NDNF: variants seen among roughly 807,000 people sequenced by gnomAD.
NDNF encodes the protein protein NDNF.
A neutral mutation model predicts 42.0 loss-of-function variants in NDNF; 16 were observed. The ratio of observed to expected loss-of-function variants is 0.38; its 90% CI spans 0.26 to 0.58. The LOEUF (loss-of-function observed/expected upper bound fraction) is 0.58, where lower values mean the gene tolerates loss of function less well. NDNF is among the 20% of genes least tolerant of loss of function. The pLI, the probability that NDNF is intolerant of heterozygous loss-of-function variation, is 0.67. For synonymous variants in NDNF, 248 were observed against 251.7 expected, an observed-to-expected ratio of 0.99 and a Z score of 0.14; for missense variants, 616 against 666.2, an observed-to-expected ratio of 0.92 and a Z score of 0.83.
chr4:121,055,366 G>A lies in NDNF; in HGVS notation c.-1-9528C>T, dbSNP rs75809942. Among the ~76,000 whole-genome samples, 812 of 152,212 alleles carry A rather than the reference G, an allele frequency of 5.3e-3. 2 individuals are homozygous for A. The highest frequency in any genetic ancestry group is 0.012 in the South Asian group (60 of 4,820). ...AAAACTGGGGATATGCTTTGCAGTTGGATTGCCAGAATGTGCTGGTAAGTT... is the reference window on the plus strand; with the variant it reads ...AAAACTGGGGATATGCTTTGCAGTTAGATTGCCAGAATGTGCTGGTAAGTT... On this transcript the variant is annotated intron_variant, in intron 1 of 3. Coordinates refer to ENST00000379692, the MANE Select transcript of NDNF (RefSeq NM_024574.4).
chr4:121,035,913 C>A lies in NDNF; in HGVS notation c.*351G>T, dbSNP rs780528843. On this transcript the variant is annotated 3_prime_UTR_variant, in exon 4 of 4. Transcript: ENST00000379692. ...AGCATCTACAGAGAGGAATGATTTGCATTTGTGGGTGTGTGCAATGAATGG... is the reference window on the plus strand; with the variant it reads ...AGCATCTACAGAGAGGAATGATTTGAATTTGTGGGTGTGTGCAATGAATGG... The A allele has an allele frequency of 6.3e-5, 11 of 175,688 alleles. No individual in the cohort carries two copies. Among genetic ancestry groups the A allele is most frequent in the Non-Finnish European group, 1.3e-4 (11 of 83,112 alleles). The allele number at this position is 175,688 out of a possible 1,614,324, so 10.9% of individuals were successfully genotyped here.
chr4:121,050,749 C>G (rs1464625355), intron 1 of NDNF, among the ~76,000 whole-genome samples: 5 of 152,052 alleles, frequency 3.3e-5, no homozygotes, highest in African/African-American at 1.2e-4. Flanking sequence ...TTGTCAAAGG[C>G]CTTCTTCACA....
intron 3 of NDNF, among the ~76,000 whole-genome samples, chr4:121,038,391 T>TAAAATAAAATAAAATAAAATAAAAC (rs1560602803): frequency 1.3e-5 from 2 of 149,386 alleles, no homozygotes; most frequent in African/African-American, 4.9e-5. Context: ...TAAAATAAAA[T>TAAAATAAAATAAAATAAAATAAAAC]AAAACAAAAC....
rs145325012 is a variant in NDNF at position 121,066,691 on chromosome 4, A to AT, written c.-2+5301dup. Among the ~76,000 whole-genome samples the AT allele has an allele frequency of 6.0e-3, 907 of 152,322 alleles. 9 individuals carry two copies. Among genetic ancestry groups the AT allele is most frequent in the African/African-American group, 0.021 (865 of 41,574 alleles). ...TTTAGAGGTCTAATTATGAGTTCAG[A>AT]TTTTACTGCTTATTTTAGAAAATGT... On this transcript the variant is annotated intron_variant, in intron 1 of 3. Transcript: ENST00000379692.
At chr4:121,043,850 G>C (rs1727045224) in intron 2 of NDNF, among the ~76,000 whole-genome samples, 1 of 152,138 alleles carries the variant, frequency 6.6e-6, no homozygotes, top group Non-Finnish European at 1.5e-5. Context: ...AAAATAATAT[G>C]AAAAGCCAAA....
At chr4:121,048,666 C>T (rs1371737004) in intron 1 of NDNF, among the ~76,000 whole-genome samples, 7 of 152,092 alleles carry the variant, frequency 4.6e-5, no homozygotes, top group Admixed American at 1.3e-4. Flanking sequence ...GGCAAAACCC[C>T]GTCTCTACTA....
intron 1 of NDNF, among the ~76,000 whole-genome samples, chr4:121,049,930 G>A (rs545539890): frequency 6.6e-6 from 1 of 152,182 alleles, no homozygotes; most frequent in South Asian, 2.1e-4. Context: ...GTCAGATTCT[G>A]GTTCTACAAA....
At chr4:121,046,535 T>C (rs919801615) in intron 1 of NDNF, among the ~76,000 whole-genome samples, 1 of 152,240 alleles carries the variant, frequency 6.6e-6, no homozygotes. Context: ...GATGAGTTAT[T>C]AGTTGATGTT....
In NDNF at chr4:121,037,074, G is replaced by A; in HGVS notation, c.897C>T (p.Phe299=). The A allele has an allele frequency of 6.2e-7, 1 of 1,613,912 alleles. No homozygotes were observed. The highest frequency in any genetic ancestry group is 8.5e-7 in the Non-Finnish European group (1 of 1,180,004). ...TGTCGGGTTTCAGATCAGAGACGGT[G>A]AAGATGTTCTTGTTTCCTATGCAGA... ...QKICIGNKNI[F]TVSDLKPDTQ... The change falls in exon 4 of 4, where the codon TTC becomes TTT. Residue 299 remains phenylalanine (F), a synonymous_variant. Transcript: ENST00000379692.
intron 1 of NDNF, among the ~76,000 whole-genome samples, chr4:121,070,995 T>C (rs1011931010): frequency 6.6e-6 from 1 of 152,052 alleles, no homozygotes; most frequent in African/African-American, 2.4e-5. Context: ...GGGCCTGGGA[T>C]AGGGTGCGGG....
At position 121,040,012 on chromosome 4, in the gene NDNF, G is replaced by A. The variant is rs199885044; in HGVS notation, c.231C>T (p.Val77=). The A allele has an allele frequency of 6.8e-6, 11 of 1,613,984 alleles. No individual in the cohort carries two copies. In the African/African-American group the frequency reaches 1.3e-4, roughly 20 times the overall value. Residue 77 remains valine, a synonymous_variant, in exon 3 of 4, where the codon GTC becomes GTT. Coordinates refer to ENST00000379692, the MANE Select transcript of NDNF (RefSeq NM_024574.4). Reference sequence around the variant, plus strand: ...AAGGCGCATCACAGGGCGTCACTGTGACTGATAATGGAGTATTGTCTTCTT... The same window carrying A: ...AAGGCGCATCACAGGGCGTCACTGTAACTGATAATGGAGTATTGTCTTCTT... ...VVEEDNTPLS[V]TVTPCDAPLE...
chr4:121,042,356 C>A (rs2048946186), intron 2 of NDNF, among the ~76,000 whole-genome samples: 1 of 152,192 alleles, frequency 6.6e-6, no homozygotes, highest in African/African-American at 2.4e-5. Context: ...AATTGAAATA[C>A]AAGTACTTCC....
intron 2 of NDNF, among the ~76,000 whole-genome samples, chr4:121,043,646 TTA>T (rs1022695243): frequency 1.5e-4 from 21 of 135,818 alleles, no homozygotes; most frequent in African/African-American, 8.0e-4. Context: ...CAGGCAAAAC[TTA>T]TTTAATTTTT....
chr4:121,061,780 A>C (rs770886206), intron 1 of NDNF, among the ~76,000 whole-genome samples: 2 of 152,202 alleles, frequency 1.3e-5, no homozygotes, highest in African/African-American at 2.4e-5. Context: ...GCCAAAGCAA[A>C]ATAGAAAAAG....
intron 1 of NDNF, among the ~76,000 whole-genome samples, chr4:121,052,345 G>T (rs1036287743): frequency 1.3e-5 from 2 of 152,158 alleles, no homozygotes; most frequent in Non-Finnish European, 2.9e-5. Flanking sequence ...AAAAGGATGG[G>T]CATTCTGATT....
intron 1 of NDNF, among the ~76,000 whole-genome samples, chr4:121,066,555 C>A (rs1727502860): frequency 6.6e-6 from 1 of 152,144 alleles, no homozygotes; most frequent in Non-Finnish European, 1.5e-5. Flanking sequence ...AGTTTGTTTG[C>A]CAACTGCCAG....
intron 3 of NDNF, chr4:121,039,132 T>C (rs1726932689): frequency 2.9e-5 from 1 of 34,342 alleles, no homozygotes; most frequent in Non-Finnish European, 8.4e-5. Context: ...TATACATAGT[T>C]ATATATATAT....
intron 1 of NDNF, among the ~76,000 whole-genome samples, chr4:121,057,505 G>A (rs1482433538): frequency 2.0e-5 from 3 of 152,120 alleles, no homozygotes; most frequent in Non-Finnish European, 2.9e-5. Flanking sequence ...ACCAAGACCC[G>A]GCAGTCAGGT....
chr4:121,044,869 G>A (rs1404253116), intron 2 of NDNF, among the ~76,000 whole-genome samples: 1 of 152,170 alleles, frequency 6.6e-6, no homozygotes, highest in Non-Finnish European at 1.5e-5. Flanking sequence ...ATGAGGCTGA[G>A]GTGGGAGGAT....
Sources: gnomAD v4.1 joint callset for allele counts (sites outside exome capture counted in the v4.1 genomes callset) on GRCh38, gnomAD v4.1.1 for gene constraint, MANE v1.5 for transcripts, NCBI Gene and HGNC (gene_info 2026-07-23, HGNC 2026-07-21) for gene names.